Variants in HDGFL3 observed in about 807,000 individuals in gnomAD.
HDGFL3 encodes HDGF like 3, also known as hepatoma-derived growth factor-related protein 3.
Under a neutral mutation model 27.6 loss-of-function variants are expected in HDGFL3, and 6 were observed. The ratio of observed to expected loss-of-function variants is 0.22; its 90% CI spans 0.12 to 0.43. HDGFL3 has a LOEUF of 0.43. Ranked by LOEUF, HDGFL3 falls within the 20% of genes least tolerant of loss-of-function variation. The pLI is 1.00. For synonymous variants in HDGFL3, 88 were observed against 88.9 expected (o/e 0.99, Z 0.05); for missense variants, 207 against 250.1 (o/e 0.83, Z 1.16).
At chr15:83,156,090 C>A (rs914486747) in intron 4 of HDGFL3, among the ~76,000 whole-genome samples, 1 of 152,126 alleles carries the variant, frequency 6.6e-6, no homozygotes. Flanking sequence ...ATAATTAGGC[C>A]TTTGCCAGCC....
intron 3 of HDGFL3, among the ~76,000 whole-genome samples, chr15:83,122,288 A>G (rs1431699078): frequency 6.6e-6 from 1 of 152,182 alleles, no homozygotes; most frequent in Admixed American, 6.5e-5. Context: ...TTATGGCTAT[A>G]TTTAGTGTGC....
chr15:83,149,709 T>C (rs1310563279), intron 5 of HDGFL3, among the ~76,000 whole-genome samples: 1 of 151,582 alleles, frequency 6.6e-6, no homozygotes, highest in African/African-American at 2.4e-5. Flanking sequence ...GGAGAGGAAA[T>C]GGAGACTGGG....
At chr15:83,186,270 C>T (rs1407988356) in intron 1 of HDGFL3, among the ~76,000 whole-genome samples, 2 of 152,178 alleles carry the variant, frequency 1.3e-5, no homozygotes, top group Non-Finnish European at 2.9e-5. Context: ...TATGGAGTAG[C>T]TCTGAAGAAA....
intron 1 of HDGFL3, among the ~76,000 whole-genome samples, chr15:83,193,916 G>A (rs967740797): frequency 1.3e-5 from 2 of 152,108 alleles, no homozygotes; most frequent in Non-Finnish European, 2.9e-5. Flanking sequence ...GCTGCTATAC[G>A]CTGCCACGTT....
intron 2 of HDGFL3, among the ~76,000 whole-genome samples, chr15:83,159,795 C>T (rs2037075377): frequency 6.6e-6 from 1 of 152,048 alleles, no homozygotes; most frequent in Non-Finnish European, 1.5e-5. Flanking sequence ...GTCAGTGTGG[C>T]TAGAGTGAAA....
rs1249079114 is a variant in HDGFL3 at position 83,136,611 on chromosome 15, A to G, written c.*2659T>C. On this transcript the variant is annotated 3_prime_UTR_variant, in exon 6 of 6. Coordinates refer to ENST00000299633, the MANE Select transcript of HDGFL3 (RefSeq NM_016073.4). ...GGAGTTCTTCCTCAGCTCTTGGCCTATCGTTGTATCTACAAACCAGAGTTC... is the reference window on the plus strand; with the variant it reads ...GGAGTTCTTCCTCAGCTCTTGGCCTGTCGTTGTATCTACAAACCAGAGTTC... 2 of 1,612,474 alleles carry G rather than the reference A, an allele frequency of 1.2e-6. No individual in the cohort carries two copies. Among genetic ancestry groups the G allele is most frequent in the East Asian group, 2.2e-5 (1 of 44,858 alleles).
Position 83,207,223 on chromosome 15 carries a change from C to T in HDGFL3, c.84+108G>A. On this transcript the variant is annotated intron_variant, in intron 1 of 5. Transcript: ENST00000299633. This position sits in a 1 kb window ranked among gnomAD's most constrained non-coding sequence, Gnocchi z 4.8. ...CGCCCTCAGCCCTCACCACAGCCGG[C>T]CGCGAGCTGCGGGCTCGGGGCTGAG... 1.3e-6 allele frequency: 1 copy of T among 763,260 alleles called. No individual in the cohort carries two copies. Among genetic ancestry groups the T allele is most frequent in the Non-Finnish European group, 1.8e-6 (1 of 551,708 alleles). The allele number at this position is 763,260 out of a possible 1,614,324, so 47.3% of individuals were successfully genotyped here.
intron 1 of HDGFL3, among the ~76,000 whole-genome samples, chr15:83,175,320 A>C (rs1018335846): frequency 6.6e-6 from 1 of 152,128 alleles, no homozygotes; most frequent in Non-Finnish European, 1.5e-5. Context: ...CTCACTTTAT[A>C]TTTTTATGAG....
Position 83,180,643 on chromosome 15 carries a change from A to ATT in HDGFL3, c.85-16570_85-16569dup, listed in dbSNP as rs34952033. Among the ~76,000 whole-genome samples, 1,136 of 126,330 alleles carry ATT rather than the reference A, an allele frequency of 9.0e-3. 28 individuals carry two copies. The highest frequency in any genetic ancestry group is 0.023 in the Middle Eastern group (5 of 222). 82.9% of individuals were successfully genotyped at this position (126,330 alleles called of 152,430 possible). ...GGTTTAATAAACATGTAACTTATCA[A>ATT]TTTTTTTTTTTTTTTTTTTTGAGAC... On this transcript the variant is annotated intron_variant, in intron 1 of 5. Transcript: ENST00000299633.
At chr15:83,153,182 A>G (rs1345591080) in intron 4 of HDGFL3, among the ~76,000 whole-genome samples, 1 of 151,540 alleles carries the variant, frequency 6.6e-6, no homozygotes, top group Non-Finnish European at 1.5e-5. Flanking sequence ...TTGTATTTTT[A>G]GTAGAGATGG....
chr15:83,204,854 CCTGTAGGAATT>C (rs1189790092), intron 1 of HDGFL3, among the ~76,000 whole-genome samples: 1 of 152,188 alleles, frequency 6.6e-6, no homozygotes, highest in Non-Finnish European at 1.5e-5. Flanking sequence ...CTGAATCCAA[CCTGTAGGAATT>C]CTGAATCCTC....
intron 1 of HDGFL3, among the ~76,000 whole-genome samples, chr15:83,194,415 G>C (rs2385705): frequency 0.013 from 1,947 of 152,276 alleles, 50 homozygotes; most frequent in African/African-American, 0.046. Flanking sequence ...GGAATGTAGA[G>C]TTATTTTTTA....
chr15:83,165,619 C>T lies in HDGFL3; in HGVS notation c.85-1544G>A, dbSNP rs184330643. Among the ~76,000 whole-genome samples the T allele has an allele frequency of 3.3e-5, 5 of 151,846 alleles. 1 individual carries two copies. The highest frequency in any genetic ancestry group is 1.2e-4 in the African/African-American group (5 of 41,412). On this transcript the variant is annotated intron_variant, in intron 1 of 5. Coordinates refer to ENST00000299633, the MANE Select transcript of HDGFL3 (RefSeq NM_016073.4). The stretch of plus-strand genomic sequence containing the variant: ...CTGTGTGCAGACACATTTTAAAAAT[C>T]ACTTCTTTTACTAAAAATGCAAAAA...
intron 1 of HDGFL3, among the ~76,000 whole-genome samples, chr15:83,166,737 A>G (rs779896751): frequency 5.9e-5 from 9 of 152,212 alleles, no homozygotes; most frequent in Non-Finnish European, 1.0e-4. Context: ...TCATGGTGGA[A>G]GGTGAAGAGG....
At position 83,133,215 on chromosome 15, in the gene HDGFL3, C is replaced by A. The variant is rs1487798121; in HGVS notation, c.*6055G>T. The A allele has an allele frequency of 1.3e-5, 2 of 152,178 alleles. No homozygotes were observed. Among genetic ancestry groups the A allele is most frequent in the Non-Finnish European group, 2.9e-5 (2 of 68,028 alleles). 9.4% of individuals were successfully genotyped at this position (152,178 alleles called of 1,614,324 possible). A position where few individuals can be genotyped will look rare whatever the true frequency, so the allele number is the denominator to read the frequency against. ...AATGAACTATGTTGCTCAGAAAACT[C>A]TAAGAAAAGATAACACAGTTCTAGA... On this transcript the variant is annotated 3_prime_UTR_variant, in exon 6 of 6. Transcript: ENST00000299633.
At chr15:83,165,794 CAAAAAAAAAAAAAAAAAA>C (rs57873221) in intron 1 of HDGFL3, among the ~76,000 whole-genome samples, 15 of 13,852 alleles carry the variant, frequency 1.1e-3, no homozygotes, top group African/African-American at 2.0e-3. Context: ...GAATCCATCT[CAAAAAAAAAAAAAAAAAA>C]AAAAAAAAAG....
At chr15:83,121,542 T>C (rs2035245452) in intron 3 of HDGFL3, among the ~76,000 whole-genome samples, 1 of 152,160 alleles carries the variant, frequency 6.6e-6, no homozygotes, top group Non-Finnish European at 1.5e-5. Flanking sequence ...GTATAACTCA[T>C]ACTTATAATG....
intron 1 of HDGFL3, among the ~76,000 whole-genome samples, chr15:83,172,483 C>A (rs1477095029): frequency 6.6e-6 from 1 of 152,058 alleles, no homozygotes; most frequent in Non-Finnish European, 1.5e-5. Context: ...AGTAGATTAA[C>A]AAATATTTTA....
At chr15:83,175,872 CAAAAA>C (rs565953288) in intron 1 of HDGFL3, among the ~76,000 whole-genome samples, 5 of 150,538 alleles carry the variant, frequency 3.3e-5, no homozygotes, top group Non-Finnish European at 7.4e-5. Context: ...AAACAAAAAA[CAAAAA>C]AAAACACACA....
Sources: gnomAD v4.1 joint callset for allele counts (sites outside exome capture counted in the v4.1 genomes callset) on GRCh38, gnomAD v4.1.1 for gene constraint, Gnocchi (gnomAD v3.1) non-coding constraint, MANE v1.5 for transcripts, NCBI Gene and HGNC (gene_info 2026-07-23, HGNC 2026-07-21) for gene names.